Variants in EP400 observed in about 807,000 individuals in gnomAD.
EP400 encodes E1A-binding protein p400.
A neutral mutation model predicts 354.1 loss-of-function variants in EP400; 105 were observed. The observed-to-expected ratio is 0.30, with a 90% CI of 0.25 to 0.35. The LOEUF is 0.35. Among genes scored for constraint, EP400 ranks in the 10% least tolerant of loss-of-function variants. The probability of loss-of-function intolerance (pLI) is 1.00; values close to 1 mark genes in which losing one functional copy is unlikely to be tolerated. For synonymous variants in EP400, 1,646 were observed against 1,716.9 expected (o/e 0.96, Z 1.02); for missense variants, 3,280 against 4,121.0 (o/e 0.80, Z 5.59).
chr12:132,044,863 C>T lies in EP400; in HGVS notation c.6694C>T (p.Leu2232Phe). ...SDIYLDSVMC[L>F]MYEATPIPEA... ...CATCTACCTCGACTCGGTCATGTGT[C>T]TCATGTATGAAGCCACTCCCATCCC... The change falls in exon 37 of 53, where the codon CTC (leucine) becomes TTC (phenylalanine). Residue 2232 changes from leucine (L) to phenylalanine (F), a missense_variant. Physicochemically the swap from Leu to Phe is conservative, Grantham distance 22. This residue lies in a region of EP400 where 231 missense variants were observed against 257.9 expected (regional missense o/e 0.90). Transcript: ENST00000389561. 2 of 1,614,210 alleles carry T rather than the reference C, an allele frequency of 1.2e-6. No individual in the cohort carries two copies. Among genetic ancestry groups the T allele is most frequent in the Non-Finnish European group, 1.7e-6 (2 of 1,180,032 alleles).
intron 19 of EP400, among the ~76,000 whole-genome samples, chr12:132,015,587 C>T (rs781706893): frequency 6.6e-6 from 1 of 152,126 alleles, no homozygotes; most frequent in Non-Finnish European, 1.5e-5. Context: ...GTTGCAGTGT[C>T]GTCTGAGGTG....
chr12:132,060,979 T>C lies in EP400; in HGVS notation c.7885-1131T>C, dbSNP rs150594003. On this transcript the variant is annotated intron_variant, in intron 45 of 52. Coordinates refer to ENST00000389561, the MANE Select transcript of EP400 (RefSeq NM_015409.5). ...AAACAAGGGCAAAATAAAGACATTT[T>C]CAACTTTGGACCTTCACTGAATGAT... is the stretch of plus-strand genomic sequence containing the variant. Among the ~76,000 whole-genome samples the C allele has an allele frequency of 2.0e-3, 297 of 152,100 alleles. 2 individuals carry two copies. The highest frequency in any genetic ancestry group is 6.9e-3 in the African/African-American group (287 of 41,484).
At chr12:131,993,580 T>C (rs929800249) in intron 11 of EP400, among the ~76,000 whole-genome samples, 2 of 152,258 alleles carry the variant, frequency 1.3e-5, no homozygotes, top group Admixed American at 6.5e-5. Flanking sequence ...TGTACAGTCA[T>C]GTGTTTCTTA....
chr12:131,981,435 C>A, intron 3 of EP400, 54 bp from the exon 4 acceptor site: 1 of 1,411,784 alleles, frequency 7.1e-7, no homozygotes, highest in Non-Finnish European at 9.7e-7. Flanking sequence ...TTTTCTACTA[C>A]TTCTCTGGTT....
In EP400 at chr12:132,079,649, A is replaced by C. The variant is rs1896327212; in HGVS notation, c.*1976A>C. Reference sequence around the variant, plus strand: ...TAAGTAAAAGCGCTCTATTAATCTAAAACACTACAAGAGAATTTAACACCA... The same window carrying C: ...TAAGTAAAAGCGCTCTATTAATCTACAACACTACAAGAGAATTTAACACCA... On this transcript the variant is annotated 3_prime_UTR_variant, in exon 53 of 53. Transcript: ENST00000389561. The C allele has an allele frequency of 6.6e-6, 1 of 152,276 alleles. No homozygotes were observed. The highest frequency in any genetic ancestry group is 1.5e-5 in the Non-Finnish European group (1 of 68,048). The allele number at this position is 152,276 out of a possible 1,614,324, so 9.4% of individuals were successfully genotyped here.
intron 47 of EP400, among the ~76,000 whole-genome samples, chr12:132,063,885 C>T (rs1895793735): frequency 6.6e-6 from 1 of 152,212 alleles, no homozygotes; most frequent in Non-Finnish European, 1.5e-5. Context: ...TGCCACTGGA[C>T]AGTGCTGAAT....
chr12:132,050,560 CTTTA>C lies in EP400; in HGVS notation c.7338-34_7338-31del. 1 of 1,613,714 alleles carries C rather than the reference CTTTA, an allele frequency of 6.2e-7. No individual in the cohort carries two copies. The highest frequency in any genetic ancestry group is 8.5e-7 in the Non-Finnish European group (1 of 1,179,664). The stretch of plus-strand genomic sequence containing the variant: ...TAACATACCCTTCTTCAGATATTTC[CTTTA>C]TTTAATAATTGCTGTCTCACTGTCT... On this transcript the variant is annotated intron_variant, in intron 40 of 52. Coordinates refer to ENST00000389561, the MANE Select transcript of EP400 (RefSeq NM_015409.5). The surrounding 1 kb of genome is among the most constrained non-coding windows in gnomAD (Gnocchi z 4.8).
In EP400 at chr12:131,974,091, A is replaced by C. The variant is rs369553722; in HGVS notation, c.1336-5603A>C. 7.3e-3 allele frequency among the ~76,000 whole-genome samples: 1,073 copies of C among 147,774 alleles called. 34 individuals are homozygous for C. In the South Asian group the frequency reaches 0.094, roughly 13 times the overall value. ...CCTCCTGGGTTGAAGCGATTCTCCCACCTCAGCCTCCCGAGTAGCTGGGAC... is the reference window on the plus strand; with the variant it reads ...CCTCCTGGGTTGAAGCGATTCTCCCCCCTCAGCCTCCCGAGTAGCTGGGAC... On this transcript the variant is annotated intron_variant, in intron 2 of 52. Transcript: ENST00000389561.
chr12:131,977,653 A>G (rs1892530164), intron 2 of EP400, among the ~76,000 whole-genome samples: 1 of 152,114 alleles, frequency 6.6e-6, no homozygotes, highest in Non-Finnish European at 1.5e-5. Context: ...CTGCCAGGCC[A>G]TTGTTTTCAA....
intron 12 of EP400, among the ~76,000 whole-genome samples, chr12:131,996,018 T>TG (rs1181413319): frequency 6.6e-6 from 1 of 152,272 alleles, no homozygotes; most frequent in Admixed American, 6.5e-5. Context: ...CACAGTTTGA[T>TG]GGGCTTGCTC....
At chr12:131,950,620 C>T (rs892106948) in intron 1 of EP400, among the ~76,000 whole-genome samples, 4 of 152,210 alleles carry the variant, frequency 2.6e-5, no homozygotes, top group Non-Finnish European at 5.9e-5. Context: ...TAGACCTGCC[C>T]GGTCCTCCAC....
In EP400 at chr12:132,050,800, G is replaced by A; in HGVS notation, c.7394+145G>A. On this transcript the variant is annotated intron_variant, in intron 41 of 52. Coordinates refer to ENST00000389561, the MANE Select transcript of EP400 (RefSeq NM_015409.5). The surrounding 1 kb of genome is among the most constrained non-coding windows in gnomAD (Gnocchi z 4.8). ...GTGGCAGTGCGCAGAACCTGCAGGAGAGAGGTGCTTTTCCTGCCGTGGGCT... is the reference window on the plus strand; with the variant it reads ...GTGGCAGTGCGCAGAACCTGCAGGAAAGAGGTGCTTTTCCTGCCGTGGGCT... 4 of 976,446 alleles carry A rather than the reference G, an allele frequency of 4.1e-6. No individual in the cohort carries two copies. Among genetic ancestry groups the A allele is most frequent in the Non-Finnish European group, 6.3e-6 (4 of 630,932 alleles). 60.5% of individuals were successfully genotyped at this position (976,446 alleles called of 1,614,324 possible). A position where few individuals can be genotyped will look rare whatever the true frequency, so the allele number is the denominator to read the frequency against.
At chr12:132,059,068 ATAAT>A (rs68068916) in intron 45 of EP400, among the ~76,000 whole-genome samples, 16,693 of 152,216 alleles carry the variant, frequency 0.11, 1,131 homozygotes, top group African/African-American at 0.19. Context: ...ATTGACAAGA[ATAAT>A]TAATTATCAG....
chr12:132,061,539 G>T (rs1340499273), intron 45 of EP400, among the ~76,000 whole-genome samples: 1 of 152,266 alleles, frequency 6.6e-6, no homozygotes, highest in Non-Finnish European at 1.5e-5. Context: ...GTGGGACAAG[G>T]AAGGACGGTG....
chr12:131,986,110 G>A (rs1175388679), intron 5 of EP400, among the ~76,000 whole-genome samples: 2 of 152,012 alleles, frequency 1.3e-5, no homozygotes, highest in Admixed American at 6.6e-5. Flanking sequence ...ATGTAGCTGC[G>A]ACCAAAGGTG....
At chr12:131,973,726 G>C (rs1482177572) in intron 2 of EP400, among the ~76,000 whole-genome samples, 1 of 152,174 alleles carries the variant, frequency 6.6e-6, no homozygotes, top group East Asian at 1.9e-4. Flanking sequence ...ATCTATGCCA[G>C]TTAAACTCCA....
At chr12:132,007,298 G>C (rs1467411849) in intron 15 of EP400, among the ~76,000 whole-genome samples, 1 of 152,212 alleles carries the variant, frequency 6.6e-6, no homozygotes, top group Non-Finnish European at 1.5e-5. Context: ...TCATGTCCAT[G>C]CCTCCTCTCG....
intron 30 of EP400, among the ~76,000 whole-genome samples, chr12:132,036,724 T>G (rs1321402865): frequency 6.6e-6 from 1 of 152,262 alleles, no homozygotes. Context: ...TCTTATGCTT[T>G]TATGTAATCA....
At chr12:132,023,698 A>G (rs1251641353) in intron 23 of EP400, 79 bp from the exon 24 acceptor site, 8 of 1,466,938 alleles carry the variant, frequency 5.5e-6, no homozygotes, top group Non-Finnish European at 7.5e-6. Flanking sequence ...CATTATATAC[A>G]AGAAACGACT....
Sources: allele counts gnomAD v4.1 joint callset (sites outside exome capture counted in the v4.1 genomes callset), GRCh38; gene constraint gnomAD v4.1.1; regional missense constraint gnomAD v4.1.1; non-coding constraint Gnocchi (gnomAD v3.1); transcripts MANE v1.5; gene names NCBI Gene and HGNC (gene_info 2026-07-23, HGNC 2026-07-21).